PRKN: variants seen among roughly 807,000 people sequenced by gnomAD.
PRKN encodes the protein E3 ubiquitin-protein ligase parkin.
A neutral mutation model predicts 59.5 loss-of-function variants in PRKN; 56 were observed. The observed-to-expected ratio is 0.94, with a 90% confidence interval of 0.76 to 1.18. The LOEUF (loss-of-function observed/expected upper bound fraction) is 1.18. Ranked by LOEUF, PRKN falls within the 50% of genes most tolerant of loss-of-function variation. The pLI, the probability that PRKN is intolerant of heterozygous loss-of-function variation, is 0.00. For missense variants in PRKN, 657 were observed against 596.4 expected (o/e 1.10, Z -1.06); for synonymous variants, 250 against 222.1 (o/e 1.13, Z -1.12).
chr6:162,579,872 T>C (rs1194832888), intron 1 of PRKN, among the ~76,000 whole-genome samples: 1 of 152,200 alleles, frequency 6.6e-6, no homozygotes, highest in Non-Finnish European at 1.5e-5. Context: ...CTCAGCTTCT[T>C]ATGGAATGCC....
chr6:161,962,535 A>T (rs1780418125), intron 6 of PRKN, among the ~76,000 whole-genome samples: 2 of 149,294 alleles, frequency 1.3e-5, no homozygotes, highest in South Asian at 2.1e-4. Flanking sequence ...TCAGGAATGT[A>T]GCACCTTTTT....
chr6:162,010,451 AATGTATTTATAATATATATTATATAATGT>A (rs1782470129), intron 5 of PRKN, among the ~76,000 whole-genome samples: 1 of 67,088 alleles, frequency 1.5e-5, no homozygotes, highest in Non-Finnish European at 2.4e-5. Flanking sequence ...TATGATATAT[AATGTATTTATAATATATATTATATAATGT>A]ATTTATAATA....
chr6:161,776,084 C>CA (rs1258156990), intron 7 of PRKN, among the ~76,000 whole-genome samples: 1 of 152,136 alleles, frequency 6.6e-6, no homozygotes, highest in African/African-American at 2.4e-5. Flanking sequence ...CTTCCTCAGC[C>CA]CCTAGAGCAA....
At position 162,673,124 on chromosome 6, in the gene PRKN, TCTC is replaced by T. The variant is rs149524790; in HGVS notation, c.7+54535_7+54537del. Among the ~76,000 whole-genome samples the T allele has an allele frequency of 4.0e-3, 613 of 152,314 alleles. 5 individuals carry two copies. Among genetic ancestry groups the T allele is most frequent in the African/African-American group, 0.014 (568 of 41,576 alleles). On this transcript the variant is annotated intron_variant, in intron 1 of 11. Coordinates refer to ENST00000366898, the MANE Select transcript of PRKN (RefSeq NM_004562.3). ...TATAGTCACTGCCCATCCATTTATT[TCTC>T]CTATTTTCCTAATTTTGAAAAAGAG...
chr6:162,594,526 C>A (rs900908451), intron 1 of PRKN, among the ~76,000 whole-genome samples: 1 of 152,052 alleles, frequency 6.6e-6, no homozygotes, highest in South Asian at 2.1e-4. Flanking sequence ...TTTGATTCTT[C>A]AAAATCTTTC....
chr6:162,111,938 G>A (rs1001842274), intron 4 of PRKN, among the ~76,000 whole-genome samples: 1 of 152,184 alleles, frequency 6.6e-6, no homozygotes, highest in African/African-American at 2.4e-5. Context: ...AGCAGAAACT[G>A]TGTTCCAGAT....
Position 161,560,188 on chromosome 6 carries a change from G to A in PRKN, c.933+9167C>T, listed in dbSNP as rs900591724. 3.3e-5 allele frequency among the ~76,000 whole-genome samples: 5 copies of A among 152,124 alleles called. No individual in the cohort carries two copies. The highest frequency in any genetic ancestry group is 1.2e-4 in the African/African-American group (5 of 41,400). ...TTTTTCTGTGTCCCCTGAAATTCCTGTTCATGATAAACTAACTGCCCTGTA... is the reference window on the plus strand; with the variant it reads ...TTTTTCTGTGTCCCCTGAAATTCCTATTCATGATAAACTAACTGCCCTGTA... On this transcript the variant is annotated intron_variant, in intron 8 of 11. Coordinates refer to ENST00000366898, the MANE Select transcript of PRKN (RefSeq NM_004562.3). The surrounding 1 kb of genome is among the most constrained non-coding windows in gnomAD (Gnocchi z 4.9).
intron 4 of PRKN, among the ~76,000 whole-genome samples, chr6:162,082,043 G>C (rs571203931): frequency 1.3e-5 from 2 of 152,030 alleles, no homozygotes; most frequent in African/African-American, 4.8e-5. Flanking sequence ...ATTGAAGAGG[G>C]TACAGGTCTT....
In PRKN at chr6:161,460,680, G is replaced by C. The variant is rs892853129; in HGVS notation, c.1084-73803C>G. On this transcript the variant is annotated intron_variant, in intron 9 of 11. Transcript: ENST00000366898. This position sits in a 1 kb window ranked among gnomAD's most constrained non-coding sequence, Gnocchi z 5.0. ...ACTTCCAGGGATGTCCACAGCTGTG[G>C]CTTCTCCCAGGTATTTATAGTTCAT... Among the ~76,000 whole-genome samples, 1 of 152,072 alleles carries C rather than the reference G, an allele frequency of 6.6e-6. No individual in the cohort carries two copies. Among genetic ancestry groups the C allele is most frequent in the Non-Finnish European group, 1.5e-5 (1 of 68,008 alleles).
At chr6:162,233,953 A>AT (rs1367327758) in intron 3 of PRKN, among the ~76,000 whole-genome samples, 1 of 152,232 alleles carries the variant, frequency 6.6e-6, no homozygotes, top group East Asian at 1.9e-4. Context: ...AACTTATTTT[A>AT]TTAACAGATT....
rs1420838755 is a variant in PRKN at position 161,360,844 on chromosome 6, C to T, written c.1168-639G>A. Reference sequence around the variant, plus strand: ...ACCAGCTGTCTGGTTCAAATCCCAGCTCTACCCAGACGGGTGACTCTGGAA... The same window carrying T: ...ACCAGCTGTCTGGTTCAAATCCCAGTTCTACCCAGACGGGTGACTCTGGAA... On this transcript the variant is annotated intron_variant, in intron 10 of 11. Transcript: ENST00000366898. This position sits in a 1 kb window ranked among gnomAD's most constrained non-coding sequence, Gnocchi z 5.1. Among the ~76,000 whole-genome samples the T allele has an allele frequency of 6.6e-6, 1 of 152,146 alleles. No homozygotes were observed. Among genetic ancestry groups the T allele is most frequent in the Non-Finnish European group, 1.5e-5 (1 of 68,018 alleles).
intron 6 of PRKN, among the ~76,000 whole-genome samples, chr6:161,820,335 A>G (rs533009787): frequency 1.7e-4 from 26 of 151,928 alleles, no homozygotes; most frequent in African/African-American, 5.8e-4. Flanking sequence ...TAAAAAGTTT[A>G]TAACTTTCAA....
intron 6 of PRKN, among the ~76,000 whole-genome samples, chr6:161,944,044 ACCAGCCTGAGGGATCAGCCTGAGGG>A (rs1779684587): frequency 1.5e-5 from 2 of 134,610 alleles, no homozygotes; most frequent in African/African-American, 5.4e-5. Context: ...AGCCTGAGGG[ACCAGCCTGAGGGATCAGCCTGAGGG>A]ATCAGCCTGA....
intron 4 of PRKN, among the ~76,000 whole-genome samples, chr6:162,111,516 G>A (rs1296427393): frequency 1.3e-5 from 2 of 151,970 alleles, no homozygotes; most frequent in African/African-American, 4.8e-5. Flanking sequence ...CAACACACAC[G>A]CACACACGGA....
intron 4 of PRKN, among the ~76,000 whole-genome samples, chr6:162,065,088 T>C (rs1778273722): frequency 6.6e-6 from 1 of 151,774 alleles, no homozygotes; most frequent in Admixed American, 6.6e-5. Flanking sequence ...TGAAAGGGAG[T>C]TTATTAGGGA....
At chr6:162,343,721 G>A (rs561254213) in intron 2 of PRKN, among the ~76,000 whole-genome samples, 1 of 152,218 alleles carries the variant, frequency 6.6e-6, no homozygotes, top group African/African-American at 2.4e-5. Flanking sequence ...ATGTGTGCAA[G>A]CATGCTCACA....
chr6:162,635,470 A>G (rs1323155426), intron 1 of PRKN, among the ~76,000 whole-genome samples: 1 of 152,224 alleles, frequency 6.6e-6, no homozygotes, highest in Non-Finnish European at 1.5e-5. Context: ...GCTTGATTTT[A>G]TATGAGACTG....
intron 4 of PRKN, among the ~76,000 whole-genome samples, chr6:162,165,568 TGTCA>T (rs1477617332): frequency 1.3e-5 from 2 of 149,390 alleles, no homozygotes; most frequent in African/African-American, 5.0e-5. Flanking sequence ...CACATAACAT[TGTCA>T]GTGAGTCTGA....
chr6:161,457,060 C>G lies in PRKN; in HGVS notation c.1084-70183G>C. On this transcript the variant is annotated intron_variant, in intron 9 of 11. Coordinates refer to ENST00000366898, the MANE Select transcript of PRKN (RefSeq NM_004562.3). The surrounding 1 kb of genome is among the most constrained non-coding windows in gnomAD (Gnocchi z 5.0). ...GAGCAAGGCTGAATAGTCCAACTTC[C>G]TCCTTTAACAAATATCCACTGAGCG... is the stretch of plus-strand genomic sequence containing the variant. Among the ~76,000 whole-genome samples, 1 of 152,206 alleles carries G rather than the reference C, an allele frequency of 6.6e-6. No homozygotes were observed. Among genetic ancestry groups the G allele is most frequent in the Non-Finnish European group, 1.5e-5 (1 of 68,044 alleles).
Sources: allele counts gnomAD v4.1 joint callset (sites outside exome capture counted in the v4.1 genomes callset), GRCh38; gene constraint gnomAD v4.1.1; non-coding constraint Gnocchi (gnomAD v3.1); transcripts MANE v1.5; gene names NCBI Gene and HGNC (gene_info 2026-07-23, HGNC 2026-07-21).